Variants in NCKAP1 observed in about 807,000 individuals in gnomAD.
NCKAP1 encodes NCK associated protein 1.
NCKAP1 carries 21 observed loss-of-function variants against 151.2 expected under a neutral mutation model. That is an observed-to-expected ratio of 0.14 (90% confidence interval 0.10 to 0.20). The LOEUF (loss-of-function observed/expected upper bound fraction) is 0.20. NCKAP1 is among the 10% of genes least tolerant of loss of function. The pLI, the probability that NCKAP1 is intolerant of heterozygous loss-of-function variation, is 1.00. For synonymous variants in NCKAP1, 484 were observed against 451.8 expected (o/e 1.07, Z -0.90); for missense variants, 933 against 1,352.1 (o/e 0.69, Z 4.86).
chr2:182,996,464 C>CTT (rs1175564533), intron 6 of NCKAP1, among the ~76,000 whole-genome samples: 1 of 147,422 alleles, frequency 6.8e-6, no homozygotes, highest in Admixed American at 6.8e-5. Context: ...AAGAGTGATT[C>CTT]TTTTTTTTTT....
At chr2:182,998,998 C>T (rs1698328015) in intron 6 of NCKAP1, among the ~76,000 whole-genome samples, 1 of 152,040 alleles carries the variant, frequency 6.6e-6, no homozygotes. Flanking sequence ...TGAAAGAAAT[C>T]ACAGATAACA....
intron 15 of NCKAP1, among the ~76,000 whole-genome samples, chr2:182,969,488 A>G (rs1423194599): frequency 2.0e-5 from 3 of 152,122 alleles, no homozygotes; most frequent in Non-Finnish European, 4.4e-5. Flanking sequence ...AAGTAGAAAG[A>G]CCAAATAACC....
In NCKAP1 at chr2:183,027,501, G is replaced by A. The variant is rs74492508; in HGVS notation, c.109-3585C>T. On this transcript the variant is annotated intron_variant, in intron 1 of 30. Transcript: ENST00000361354. ...GTCTATGAAAAAAATAAACTGACAT[G>A]ACTAAAAGTTATCAGCTAGGTAAAA... Among the ~76,000 whole-genome samples, 1,222 of 152,184 alleles carry A rather than the reference G, an allele frequency of 8.0e-3. 45 individuals carry two copies. In the East Asian group the frequency reaches 0.13, roughly 16 times the overall value.
At chr2:182,993,175 AATTTAAATC>A (rs1375597596) in intron 8 of NCKAP1, among the ~76,000 whole-genome samples, 1 of 152,198 alleles carries the variant, frequency 6.6e-6, no homozygotes, top group African/African-American at 2.4e-5. Context: ...CCTCCTGCAT[AATTTAAATC>A]ACCTCCAGAT....
intron 2 of NCKAP1, among the ~76,000 whole-genome samples, chr2:183,018,601 G>A (rs990540536): frequency 2.6e-5 from 4 of 152,096 alleles, no homozygotes; most frequent in Admixed American, 1.3e-4. Context: ...CTATTTCTGG[G>A]TGACTTTCAA....
At chr2:182,934,670 G>T in intron 26 of NCKAP1, 82 bp downstream of exon 26, 1 of 747,468 alleles carries the variant, frequency 1.3e-6, no homozygotes, top group Non-Finnish European at 2.2e-6. Context: ...AGTAGTTTAG[G>T]ATTTATTACA....
At chr2:183,014,314 G>A (rs1698643510) in intron 2 of NCKAP1, among the ~76,000 whole-genome samples, 1 of 152,084 alleles carries the variant, frequency 6.6e-6, no homozygotes, top group Admixed American at 6.5e-5. Context: ...TCTGAATGGT[G>A]GCATTTAAGC....
At chr2:182,991,814 G>C (rs1340945877) in intron 8 of NCKAP1, among the ~76,000 whole-genome samples, 1 of 151,800 alleles carries the variant, frequency 6.6e-6, no homozygotes, top group East Asian at 1.9e-4. Flanking sequence ...CTGGAGATAG[G>C]AAAAAAAATC....
rs1696599214 is a variant in NCKAP1 at position 182,924,304 on chromosome 2, C to T, written c.*1398G>A. ...GAAAGAAAAACATTATAACTGAGTTCACAGCAGCCTTCTTTTATCTTAACA... is the reference window on the plus strand; with the variant it reads ...GAAAGAAAAACATTATAACTGAGTTTACAGCAGCCTTCTTTTATCTTAACA... On this transcript the variant is annotated 3_prime_UTR_variant, in exon 31 of 31. Transcript: ENST00000361354. 1 of 152,140 alleles carries T rather than the reference C, an allele frequency of 6.6e-6. No homozygotes were observed. Among genetic ancestry groups the T allele is most frequent in the East Asian group, 1.9e-4 (1 of 5,198 alleles). 9.4% of individuals were successfully genotyped at this position (152,140 alleles called of 1,614,324 possible).
Position 182,925,538 on chromosome 2 carries a change from G to C in NCKAP1, c.*164C>G. The C allele has an allele frequency of 2.4e-6, 1 of 416,960 alleles. No homozygotes were observed. The highest frequency in any genetic ancestry group is 4.0e-5 in the Admixed American group (1 of 25,088). The allele number at this position is 416,960 out of a possible 1,614,324, so 25.8% of individuals were successfully genotyped here. A position where few individuals can be genotyped will look rare whatever the true frequency, so the allele number is the denominator to read the frequency against. The stretch of plus-strand genomic sequence containing the variant: ...GCAACCTAAATCAACCAAGTATACT[G>C]TAGTACAACCATATTAAGAAACCAA... On this transcript the variant is annotated 3_prime_UTR_variant, in exon 31 of 31. Transcript: ENST00000361354.
At chr2:182,949,352 TC>T (rs1697168694) in intron 23 of NCKAP1, among the ~76,000 whole-genome samples, 4 of 152,198 alleles carry the variant, frequency 2.6e-5, no homozygotes, top group Non-Finnish European at 5.9e-5. Context: ...AATTTCAGTT[TC>T]ACCACTGACT....
chr2:183,006,665 T>C (rs1698477516), intron 2 of NCKAP1, among the ~76,000 whole-genome samples: 1 of 152,206 alleles, frequency 6.6e-6, no homozygotes, highest in Non-Finnish European at 1.5e-5. Context: ...TGCTACATTT[T>C]AGTTCCTAAA....
intron 26 of NCKAP1, among the ~76,000 whole-genome samples, chr2:182,931,122 GA>G (rs1220717161): frequency 6.6e-6 from 1 of 152,034 alleles, no homozygotes; most frequent in African/African-American, 2.4e-5. Flanking sequence ...TGAACAAAGT[GA>G]ATCAATATTA....
Position 182,915,302 on chromosome 2 carries a change from A to C in NCKAP1, c.*10400T>G, listed in dbSNP as rs1479813658. The C allele has an allele frequency of 6.6e-6, 1 of 152,030 alleles. No homozygotes were observed. The highest frequency in any genetic ancestry group is 6.5e-5 in the Admixed American group (1 of 15,284). 9.4% of individuals were successfully genotyped at this position (152,030 alleles called of 1,614,324 possible). On this transcript the variant is annotated 3_prime_UTR_variant, in exon 31 of 31. Transcript: ENST00000361354. ...AATGTTCAGACTTTGCTTTTCAAAAACGTTGTATGGTTCACAGCTGAAGAG... is the reference window on the plus strand; with the variant it reads ...AATGTTCAGACTTTGCTTTTCAAAACCGTTGTATGGTTCACAGCTGAAGAG...
At chr2:182,991,493 A>T (rs1698170207) in intron 8 of NCKAP1, among the ~76,000 whole-genome samples, 1 of 152,150 alleles carries the variant, frequency 6.6e-6, no homozygotes, top group Admixed American at 6.5e-5. Flanking sequence ...TGGGAGGTGG[A>T]GGGTGCAGTG....
At chr2:182,968,163 A>T (rs1697614054) in intron 15 of NCKAP1, among the ~76,000 whole-genome samples, 1 of 152,212 alleles carries the variant, frequency 6.6e-6, no homozygotes, top group African/African-American at 2.4e-5. Context: ...TAAGGGTTCT[A>T]TGTGGTGGCC....
At chr2:183,029,614 A>G (rs151193028) in intron 1 of NCKAP1, among the ~76,000 whole-genome samples, 1 of 152,146 alleles carries the variant, frequency 6.6e-6, no homozygotes, top group African/African-American at 2.4e-5. Context: ...TGGAGCCCAC[A>G]AGTTTGAGAC....
Position 182,920,733 on chromosome 2 carries a change from G to A in NCKAP1, c.*4969C>T, listed in dbSNP as rs2105790907. ...CCATTCATGAAGGCTCCACTCTCAT[G>A]ACCTAATCACCTCCCAAAGGCCCCA... On this transcript the variant is annotated 3_prime_UTR_variant, in exon 31 of 31. Transcript: ENST00000361354. 6.6e-6 allele frequency: 1 copy of A among 152,146 alleles called. No homozygotes were observed. The highest frequency in any genetic ancestry group is 1.5e-5 in the Non-Finnish European group (1 of 68,020). 9.4% of individuals were successfully genotyped at this position (152,146 alleles called of 1,614,324 possible). A position where few individuals can be genotyped will look rare whatever the true frequency, so the allele number is the denominator to read the frequency against.
intron 26 of NCKAP1, among the ~76,000 whole-genome samples, chr2:182,932,617 G>A (rs952786154): frequency 3.3e-5 from 5 of 151,526 alleles, no homozygotes; most frequent in South Asian, 2.1e-4. Flanking sequence ...TGATAGGTGC[G>A]TTATAACTCA....
Sources: gnomAD v4.1 joint callset for allele counts (sites outside exome capture counted in the v4.1 genomes callset) on GRCh38, gnomAD v4.1.1 for gene constraint, MANE v1.5 for transcripts, NCBI Gene and HGNC (gene_info 2026-07-23, HGNC 2026-07-21) for gene names.